Variants in SHISA9 observed in about 807,000 individuals in gnomAD.
The protein encoded by SHISA9 is shisa family member 9.
SHISA9 carries 13 observed loss-of-function variants against 38.0 expected under a neutral mutation model. The ratio of observed to expected loss-of-function variants is 0.34; its 90% confidence interval spans 0.22 to 0.54. The LOEUF is 0.54. Among genes scored for constraint, SHISA9 ranks in the 20% least tolerant of loss-of-function variants. The probability of loss-of-function intolerance (pLI) is 0.91; values close to 1 mark genes in which losing one functional copy is unlikely to be tolerated. For missense variants in SHISA9, 538 were observed against 575.8 expected (o/e 0.93, Z 0.67); for synonymous variants, 275 against 242.0 (o/e 1.14, Z -1.27).
chr16:12,911,449 C>G (rs1391395487), intron 1 of SHISA9: 2 of 903,452 alleles, frequency 2.2e-6, no homozygotes, highest in East Asian at 2.4e-4. Flanking sequence ...ATGCATGAAC[C>G]CACGAACAAT....
chr16:12,996,359 A>C (rs539587780), intron 2 of SHISA9, among the ~76,000 whole-genome samples: 4 of 152,318 alleles, frequency 2.6e-5, no homozygotes, highest in Middle Eastern at 3.4e-3. Context: ...CATCAGCTGG[A>C]GGTGAGTAGC....
chr16:12,991,039 A>T (rs971258809), intron 2 of SHISA9, among the ~76,000 whole-genome samples: 2 of 152,198 alleles, frequency 1.3e-5, no homozygotes, highest in African/African-American at 4.8e-5. Context: ...TAGCATGAAA[A>T]ATTATTATAA....
At chr16:13,281,561 G>GTTTTT in the SHISA9 span, among the ~76,000 whole-genome samples, 1 of 72,270 alleles carries the variant, frequency 1.4e-5, no homozygotes, top group African/African-American at 3.4e-5. Context: ...TCATTCCTCT[G>GTTTTT]TTTTTTTTTT....
chr16:13,319,357 C>T, the SHISA9 span, among the ~76,000 whole-genome samples: 1 of 152,180 alleles, frequency 6.6e-6, no homozygotes, highest in Non-Finnish European at 1.5e-5. Flanking sequence ...GGCGAGAAAT[C>T]ATTTCGGCCT....
intron 2 of SHISA9, among the ~76,000 whole-genome samples, chr16:13,174,489 C>T (rs1331118628): frequency 6.6e-6 from 1 of 152,138 alleles, no homozygotes; most frequent in African/African-American, 2.4e-5. Context: ...AGAGAGATAG[C>T]GATGGCCTGA....
the SHISA9 span, among the ~76,000 whole-genome samples, chr16:13,291,701 A>T: frequency 6.6e-6 from 1 of 152,314 alleles, no homozygotes. Context: ...GACACCAGAG[A>T]ATATGTAACA....
chr16:13,494,933 T>G, the SHISA9 span, among the ~76,000 whole-genome samples: 1 of 152,322 alleles, frequency 6.6e-6, no homozygotes, highest in South Asian at 2.1e-4. Flanking sequence ...ACACCCTGCA[T>G]GAATGTCCAG....
At chr16:12,910,426 G>A (rs2071167025) in intron 1 of SHISA9, 1 of 981,692 alleles carries the variant, frequency 1.0e-6, no homozygotes, top group African/African-American at 1.8e-5. Context: ...TGCCCTTGAA[G>A]AGCAAACAGC....
At chr16:12,983,054 G>C (rs1383180662) in intron 2 of SHISA9, among the ~76,000 whole-genome samples, 1 of 152,138 alleles carries the variant, frequency 6.6e-6, no homozygotes, top group African/African-American at 2.4e-5. Flanking sequence ...TGTTGATAAG[G>C]GTAGGCTCAA....
chr16:13,268,168 A>G, the SHISA9 span, among the ~76,000 whole-genome samples: 2 of 152,134 alleles, frequency 1.3e-5, no homozygotes, highest in South Asian at 4.2e-4. Context: ...GGGGGTAAAA[A>G]TGGGGGCCAG....
the SHISA9 span, among the ~76,000 whole-genome samples, chr16:13,529,518 C>T: frequency 2.0e-5 from 3 of 152,318 alleles, no homozygotes; most frequent in African/African-American, 4.8e-5. Context: ...TATGACTTTG[C>T]TTGTAACTTC....
the SHISA9 span, among the ~76,000 whole-genome samples, chr16:13,482,737 G>A: frequency 1.3e-5 from 2 of 150,904 alleles, no homozygotes; most frequent in Non-Finnish European, 2.9e-5. Context: ...GGAAGTCAAG[G>A]CTGCAATGAG....
At chr16:12,949,616 T>C (rs923071088) in intron 2 of SHISA9, among the ~76,000 whole-genome samples, 19 of 152,248 alleles carry the variant, frequency 1.2e-4, no homozygotes, top group Non-Finnish European at 2.5e-4. Flanking sequence ...GTCAACATCA[T>C]TAATAATTTT....
the SHISA9 span, among the ~76,000 whole-genome samples, chr16:13,322,364 A>G: frequency 1.3e-5 from 2 of 152,248 alleles, no homozygotes; most frequent in Non-Finnish European, 2.9e-5. Flanking sequence ...AGACATCTGC[A>G]TAATGGTTTC....
chr16:13,292,243 T>C, the SHISA9 span, among the ~76,000 whole-genome samples: 3 of 151,840 alleles, frequency 2.0e-5, no homozygotes, highest in Non-Finnish European at 2.9e-5. Context: ...TCAAACTACG[T>C]GTGTGCTTGT....
chr16:13,085,979 G>A (rs2073706265), intron 2 of SHISA9, among the ~76,000 whole-genome samples: 1 of 152,020 alleles, frequency 6.6e-6, no homozygotes, highest in African/African-American at 2.4e-5. Flanking sequence ...AGAATGAGAG[G>A]CCATAATGAA....
At chr16:13,248,215 A>T in the SHISA9 span, among the ~76,000 whole-genome samples, 2 of 152,088 alleles carry the variant, frequency 1.3e-5, no homozygotes, top group African/African-American at 4.8e-5. Flanking sequence ...CTTTTGGACA[A>T]AATTTAGAGA....
the SHISA9 span, among the ~76,000 whole-genome samples, chr16:13,278,028 T>A: frequency 6.6e-6 from 1 of 152,238 alleles, no homozygotes; most frequent in African/African-American, 2.4e-5. Flanking sequence ...CTTTTCCTCA[T>A]TCAGTGTTAT....
At chr16:13,303,758 C>G in the SHISA9 span, among the ~76,000 whole-genome samples, 1 of 151,966 alleles carries the variant, frequency 6.6e-6, no homozygotes, top group Non-Finnish European at 1.5e-5. Flanking sequence ...TGCATTTTAC[C>G]AAATTTTTAA....
Sources: gnomAD v4.1 joint callset for allele counts (sites outside exome capture counted in the v4.1 genomes callset) on GRCh38, gnomAD v4.1.1 for gene constraint, MANE v1.5 for transcripts, NCBI Gene and HGNC (gene_info 2026-07-23, HGNC 2026-07-21) for gene names.